The following DAB1 variants were observed in gnomAD, a reference collection of about 807,000 sequenced individuals.
DAB1 encodes disabled homolog 1.
In DAB1, 15 loss-of-function variants were observed where a neutral mutation model predicts 64.6. The observed-to-expected ratio is 0.23, with a 90% confidence interval of 0.16 to 0.36. The LOEUF (loss-of-function observed/expected upper bound fraction) is 0.36, where lower values mean the gene tolerates loss of function less well. Among genes scored for constraint, DAB1 ranks in the 10% least tolerant of loss-of-function variants. The pLI, the probability that DAB1 is intolerant of heterozygous loss-of-function variation, is 1.00. For synonymous variants in DAB1, 235 were observed against 251.9 expected, an observed-to-expected ratio of 0.93 and a Z score of 0.64; for missense variants, 596 against 706.7, an observed-to-expected ratio of 0.84 and a Z score of 1.78.
chr1:57,821,309 A>G (rs1652108165), downstream of DAB1, among the ~76,000 whole-genome samples: 1 of 152,104 alleles, frequency 6.6e-6, no homozygotes, highest in Non-Finnish European at 1.5e-5. Flanking sequence ...GGGCATAATA[A>G]TAATAATAAA....
rs201324239 is a variant in DAB1 at position 57,787,385 on chromosome 1, A to AT, written n.551+96613dup. ...AGACCTGCACGTATAGAATCAATTG[A>AT]TTTTTTTTACCAAGTACAATGGCAA... On this transcript the variant is annotated intron_variant and non_coding_transcript_variant, in intron 6 of 20. Transcript: ENST00000485760. 2.5e-4 allele frequency among the ~76,000 whole-genome samples: 38 copies of AT among 152,162 alleles called. No individual in the cohort carries two copies. The East Asian group carries it at 4.3e-3, about 17-fold the overall frequency.
intron 4 of DAB1, among the ~76,000 whole-genome samples, chr1:58,220,345 T>A (rs1050516059): frequency 2.0e-5 from 3 of 152,170 alleles, no homozygotes; most frequent in African/African-American, 7.2e-5. Flanking sequence ...GCACCCCAGG[T>A]GTGAAGAAAG....
At chr1:58,384,107 T>C (rs916188077) in intron 3 of DAB1, among the ~76,000 whole-genome samples, 7 of 152,102 alleles carry the variant, frequency 4.6e-5, no homozygotes, top group Non-Finnish European at 8.8e-5. Context: ...TAATATCTCA[T>C]TGTGGTTTTG....
chr1:58,514,311 T>C (rs903093386), intron 2 of DAB1, among the ~76,000 whole-genome samples: 3 of 152,218 alleles, frequency 2.0e-5, no homozygotes, highest in Non-Finnish European at 4.4e-5. Flanking sequence ...GTATAAAAAT[T>C]GTTCTTATAA....
chr1:57,751,291 T>C (rs955617278), intron 6 of DAB1, among the ~76,000 whole-genome samples: 1 of 151,972 alleles, frequency 6.6e-6, no homozygotes, highest in Non-Finnish European at 1.5e-5. Flanking sequence ...AAATGACAGA[T>C]GCAGACAGAG....
chr1:57,725,824 T>C (rs1186054732), intron 6 of DAB1, among the ~76,000 whole-genome samples: 1 of 152,236 alleles, frequency 6.6e-6, no homozygotes, highest in Middle Eastern at 3.4e-3. Flanking sequence ...CGATCTCAGC[T>C]TACTGCAACC....
intron 7 of DAB1, among the ~76,000 whole-genome samples, chr1:57,525,695 A>G (rs1452535087): frequency 6.6e-6 from 1 of 152,120 alleles, no homozygotes; most frequent in Non-Finnish European, 1.5e-5. Flanking sequence ...CAAAAGTGTT[A>G]AACCAAGATA....
chr1:57,219,632 G>A (rs1034576123), intron 2 of DAB1, among the ~76,000 whole-genome samples: 2 of 152,190 alleles, frequency 1.3e-5, no homozygotes, highest in Non-Finnish European at 2.9e-5. Flanking sequence ...TGCAGTGACA[G>A]ATTCTCCTAC....
chr1:57,014,664 T>C (rs1370901728), intron 12 of DAB1, among the ~76,000 whole-genome samples: 2 of 152,330 alleles, frequency 1.3e-5, no homozygotes, highest in African/African-American at 4.8e-5. Context: ...TTAAGCATTA[T>C]TATAAGTCTA....
At chr1:57,070,352 G>A (rs1247703466) in intron 7 of DAB1, among the ~76,000 whole-genome samples, 1 of 152,194 alleles carries the variant, frequency 6.6e-6, no homozygotes, top group Non-Finnish European at 1.5e-5. Flanking sequence ...GGAGGGAGAG[G>A]CTGTCTTTTC....
At chr1:58,147,296 G>A (rs1654649663) in intron 5 of DAB1, among the ~76,000 whole-genome samples, 1 of 119,576 alleles carries the variant, frequency 8.4e-6, no homozygotes. Context: ...AACAGAGCAA[G>A]ACTCCGTCTC....
intron 4 of DAB1, among the ~76,000 whole-genome samples, chr1:58,199,475 C>T (rs976177960): frequency 4.6e-5 from 7 of 152,080 alleles, no homozygotes; most frequent in Non-Finnish European, 1.0e-4. Context: ...CTTAATCTCT[C>T]TTTTTTTAGT....
chr1:57,523,253 T>C (rs1644551588), intron 7 of DAB1, among the ~76,000 whole-genome samples: 3 of 152,180 alleles, frequency 2.0e-5, no homozygotes, highest in African/African-American at 7.2e-5. Flanking sequence ...TAAGGACTCT[T>C]CTACAGAGAA....
intron 1 of DAB1, among the ~76,000 whole-genome samples, chr1:57,319,481 G>A (rs2100759584): frequency 6.6e-6 from 1 of 152,186 alleles, no homozygotes; most frequent in Middle Eastern, 3.4e-3. Context: ...GGTCCTTGAA[G>A]CCCTCCCTAA....
At chr1:57,860,996 G>C (rs1311224658) in intron 1 of DAB1, 1 of 152,236 alleles carries the variant, frequency 6.6e-6, no homozygotes, top group Non-Finnish European at 1.5e-5. Flanking sequence ...GACCTGTTGA[G>C]CAAACAGCAG....
At chr1:58,455,944 G>A (rs575763518) in intron 3 of DAB1, among the ~76,000 whole-genome samples, 27 of 152,296 alleles carry the variant, frequency 1.8e-4, no homozygotes, top group African/African-American at 6.0e-4. Flanking sequence ...CAGGGGCTCC[G>A]AGTCAGCCCA....
At chr1:58,507,991 C>T (rs561942366) in intron 2 of DAB1, among the ~76,000 whole-genome samples, 48 of 152,238 alleles carry the variant, frequency 3.2e-4, no homozygotes, top group African/African-American at 1.1e-3. Flanking sequence ...AAACCAAAGG[C>T]ATACTTATCT....
chr1:58,242,585 C>T (rs902550935), intron 4 of DAB1, among the ~76,000 whole-genome samples: 4 of 152,046 alleles, frequency 2.6e-5, no homozygotes, highest in Non-Finnish European at 4.4e-5. Context: ...TTTTACTAAC[C>T]TTTATATCAT....
chr1:58,382,027 A>T (rs1403868360), intron 3 of DAB1, among the ~76,000 whole-genome samples: 2 of 152,248 alleles, frequency 1.3e-5, no homozygotes, highest in African/African-American at 4.8e-5. Context: ...AACTATTTGC[A>T]TTTGAACCTT....
Sources: allele counts gnomAD v4.1 joint callset (sites outside exome capture counted in the v4.1 genomes callset), GRCh38; gene constraint gnomAD v4.1.1; transcripts MANE v1.5; gene names NCBI Gene and HGNC (gene_info 2026-07-23, HGNC 2026-07-21).